Variants in KIF24 observed in about 807,000 individuals in gnomAD.
KIF24 encodes the protein kinesin family member 24, also known as kinesin-like protein KIF24.
In KIF24, 81 loss-of-function variants were observed where a neutral mutation model predicts 118.9. The observed-to-expected ratio is 0.68, with a 90% CI of 0.57 to 0.82. The LOEUF (loss-of-function observed/expected upper bound fraction) is 0.82, where lower values mean the gene tolerates loss of function less well. KIF24 is among the 40% of genes least tolerant of loss of function. KIF24 has a pLI of 0.00. For synonymous variants in KIF24, 599 were observed against 610.0 expected (o/e 0.98, Z 0.27); for missense variants, 1,560 against 1,661.6 (o/e 0.94, Z 1.06).
intron 1 of KIF24, among the ~76,000 whole-genome samples, chr9:34,324,467 C>T (rs1184456283): frequency 6.6e-6 from 1 of 152,158 alleles, no homozygotes; most frequent in Non-Finnish European, 1.5e-5. Context: ...TTCTCCTCTC[C>T]TATCCTTATT....
intron 1 of KIF24, among the ~76,000 whole-genome samples, chr9:34,327,955 T>C (rs752880492): frequency 6.6e-6 from 1 of 152,010 alleles, no homozygotes; most frequent in Non-Finnish European, 1.5e-5. Context: ...TTCCACTACA[T>C]GTCACAGCTA....
At chr9:34,324,672 C>T (rs1837621720) in intron 1 of KIF24, among the ~76,000 whole-genome samples, 1 of 152,228 alleles carries the variant, frequency 6.6e-6, no homozygotes, top group Admixed American at 6.5e-5. Flanking sequence ...ATCTTATCAT[C>T]TACACATAGT....
intron 6 of KIF24, among the ~76,000 whole-genome samples, chr9:34,285,055 G>GGAT (rs2131738158): frequency 6.6e-6 from 1 of 152,240 alleles, no homozygotes; most frequent in African/African-American, 2.4e-5. Flanking sequence ...CGTGGACAGT[G>GGAT]GATAGCTCAG....
chr9:34,317,123 C>G (rs1401498215), intron 1 of KIF24, among the ~76,000 whole-genome samples: 2 of 151,588 alleles, frequency 1.3e-5, no homozygotes, highest in Non-Finnish European at 2.9e-5. Flanking sequence ...GAGGCTGAGG[C>G]AGGAGAATCA....
At position 34,290,246 on chromosome 9, in the gene KIF24, T is replaced by G. The variant is rs770916563; in HGVS notation, c.1055A>C (p.His352Pro). ...RQLEVSQPRK[H>P]LFVWISFYEI... ...ATAGAAGCTGATCCACACAAAGAGGTGCTTTCTTGGCTGGGACACTTCTAG... is the reference window on the plus strand; with the variant it reads ...ATAGAAGCTGATCCACACAAAGAGGGGCTTTCTTGGCTGGGACACTTCTAG... The change falls in exon 5 of 13, where the codon CAC becomes CCC. Residue 352 changes from histidine to proline, a missense_variant. His to Pro is a moderately conservative substitution (Grantham distance 77). Transcript: ENST00000402558. 1 of 1,613,856 alleles carries G rather than the reference T, an allele frequency of 6.2e-7. No homozygotes were observed.
In KIF24 at chr9:34,269,323, T is replaced by A. The variant is rs773480082; in HGVS notation, c.1377A>T (p.Ala459=). 15 of 1,611,650 alleles carry A rather than the reference T, an allele frequency of 9.3e-6. No homozygotes were observed. The highest frequency in any genetic ancestry group is 1.3e-5 in the Non-Finnish European group (15 of 1,178,238). ...TCTGTCTATCTGAGTCCCTTGCATC[T>A]GCTGCTCTTTCACTGCCAGCCAAGT... ...FIDLAGSERA[A]DARDSDRQTK... is the part of the protein sequence containing the mutation. The change falls in exon 8 of 13, where the codon GCA becomes GCT. Residue 459 remains alanine, a synonymous_variant. Coordinates refer to ENST00000402558, the MANE Select transcript of KIF24 (RefSeq NM_194313.4).
At position 34,281,256 on chromosome 9, in the gene KIF24, C is replaced by T. The variant is rs541899770; in HGVS notation, c.1215+5361G>A. 1.4e-4 allele frequency among the ~76,000 whole-genome samples: 21 copies of T among 152,262 alleles called. No homozygotes were observed. In the South Asian group the frequency reaches 4.4e-3, roughly 32 times the overall value. ...GGCCAGGCTGGTTTCAAACTCCTGA[C>T]CTCAAATGACCTTCCAGCCTCGGCC... is the stretch of plus-strand genomic sequence containing the variant. On this transcript the variant is annotated intron_variant, in intron 6 of 12. Transcript: ENST00000402558.
chr9:34,333,028 G>GC (rs201966401), upstream of KIF24, among the ~76,000 whole-genome samples: 972 of 152,238 alleles, frequency 6.4e-3, 12 homozygotes, highest in African/African-American at 0.021. Context: ...TTGTGGGCAG[G>GC]CAAACAGTTG....
chr9:34,288,467 G>A (rs1043566712), intron 5 of KIF24, among the ~76,000 whole-genome samples: 4 of 151,186 alleles, frequency 2.6e-5, no homozygotes, highest in Admixed American at 6.6e-5. Context: ...CAGCCTGGGC[G>A]ACAGAGCAAT....
At chr9:34,294,248 C>T (rs1035154234) in intron 4 of KIF24, among the ~76,000 whole-genome samples, 4 of 152,106 alleles carry the variant, frequency 2.6e-5, no homozygotes, top group Admixed American at 1.3e-4. Context: ...CCACTGTGCC[C>T]GACTGACACT....
intron 1 of KIF24, among the ~76,000 whole-genome samples, chr9:34,327,612 A>G: frequency 6.6e-6 from 1 of 152,176 alleles, no homozygotes; most frequent in Non-Finnish European, 1.5e-5. Context: ...AGCTAAAAAA[A>G]AAGTCTGTAT....
rs147455065 is a variant in KIF24, at chr9:34,329,065, A to G, written c.-26+41T>C. Among the ~76,000 whole-genome samples, 1,330 of 152,336 alleles carry G rather than the reference A, an allele frequency of 8.7e-3. 8 individuals carry two copies. Among genetic ancestry groups the G allele is most frequent in the Non-Finnish European group, 0.013 (905 of 68,032 alleles). On this transcript the variant is annotated intron_variant, in intron 1 of 12. Coordinates refer to ENST00000402558, the MANE Select transcript of KIF24 (RefSeq NM_194313.4). ...CCGCGGGCAGGCGCCACGGTTCCGG[A>G]CCAGACCTACCCCTCCTCTATTCTC...
At chr9:34,296,532 A>C (rs1301851320) in intron 4 of KIF24, among the ~76,000 whole-genome samples, 1 of 150,602 alleles carries the variant, frequency 6.6e-6, no homozygotes, top group East Asian at 2.0e-4. Context: ...GCAAGACTCC[A>C]TCTCAAAAAA....
intron 8 of KIF24, among the ~76,000 whole-genome samples, chr9:34,268,608 A>G (rs1835383808): frequency 6.6e-6 from 1 of 151,642 alleles, no homozygotes; most frequent in Non-Finnish European, 1.5e-5. Context: ...CCTGGGTTCA[A>G]GCGATTCTCC....
At chr9:34,314,755 T>C (rs1279358229) in intron 1 of KIF24, among the ~76,000 whole-genome samples, 1 of 152,204 alleles carries the variant, frequency 6.6e-6, no homozygotes. Context: ...ACAGCACAGC[T>C]TGTAATAGCA....
intron 7 of KIF24, among the ~76,000 whole-genome samples, chr9:34,271,125 C>G (rs1008035858): frequency 2.6e-5 from 4 of 151,846 alleles, no homozygotes; most frequent in African/African-American, 9.7e-5. Flanking sequence ...GTCAGCTTTC[C>G]AAGAGTATCA....
chr9:34,303,545 A>T (rs1208093875), intron 3 of KIF24, among the ~76,000 whole-genome samples: 1 of 152,126 alleles, frequency 6.6e-6, no homozygotes, highest in Non-Finnish European at 1.5e-5. Context: ...TTTTGTACTC[A>T]TATTTATAAA....
chr9:34,262,663 AAAAAAAAAAAAAATATATATATATAT>A lies in KIF24; in HGVS notation c.1515+412_1515+437del, dbSNP rs973324435. Reference sequence around the variant, plus strand: ...CTCTACCAAAAAAAAAAAAAAAAAAAAAAAAAAAAAAAATATATATATATATATATATATATATATATATATATATG... The same window carrying A: ...CTCTACCAAAAAAAAAAAAAAAAAAAATATATATATATATATATATATATG... On this transcript the variant is annotated intron_variant, in intron 9 of 12. Coordinates refer to ENST00000402558, the MANE Select transcript of KIF24 (RefSeq NM_194313.4). 4.2e-4 allele frequency among the ~76,000 whole-genome samples: 18 copies of A among 43,280 alleles called. No homozygotes were observed. In the Admixed American group the frequency reaches 4.8e-3, roughly 12 times the overall value. 28.4% of individuals were successfully genotyped at this position (43,280 alleles called of 152,430 possible). A position where few individuals can be genotyped will look rare whatever the true frequency, so the allele number is the denominator to read the frequency against.
chr9:34,293,249 G>A (rs991065890), intron 4 of KIF24, among the ~76,000 whole-genome samples: 6 of 152,116 alleles, frequency 3.9e-5, no homozygotes, highest in Non-Finnish European at 7.4e-5. Flanking sequence ...GGAGGCTGAG[G>A]CAGGCGGATC....
Sources: gnomAD v4.1 joint callset for allele counts (sites outside exome capture counted in the v4.1 genomes callset) on GRCh38, gnomAD v4.1.1 for gene constraint, MANE v1.5 for transcripts, NCBI Gene and HGNC (gene_info 2026-07-23, HGNC 2026-07-21) for gene names.